Variants in FILIP1L observed in about 807,000 individuals in gnomAD.
FILIP1L encodes filamin A interacting protein 1 like.
Under a neutral mutation model 96.6 loss-of-function variants are expected in FILIP1L, and 55 were observed. That is an observed-to-expected ratio of 0.57 (90% confidence interval 0.46 to 0.71). The LOEUF (loss-of-function observed/expected upper bound fraction) is 0.71, where lower values mean the gene tolerates loss of function less well. FILIP1L is among the 30% of genes least tolerant of loss of function. The pLI is 0.00. For missense variants in FILIP1L, 1,304 were observed against 1,321.2 expected (o/e 0.99, Z 0.20); for synonymous variants, 467 against 473.9 (o/e 0.99, Z 0.19).
At chr3:99,912,230 A>G (rs778658942) in intron 4 of FILIP1L, among the ~76,000 whole-genome samples, 3 of 152,196 alleles carry the variant, frequency 2.0e-5, no homozygotes, top group Non-Finnish European at 4.4e-5. Context: ...TTTTAAGTGA[A>G]AGAAAACAGG....
In FILIP1L at chr3:99,955,290, A is replaced by G. The variant is rs142832670; in HGVS notation, c.-10-24260T>C. Among the ~76,000 whole-genome samples the G allele has an allele frequency of 7.3e-3, 1,106 of 152,322 alleles. 19 individuals carry two copies. The highest frequency in any genetic ancestry group is 0.025 in the African/African-American group (1,019 of 41,560). Reference sequence around the variant, plus strand: ...TTAGCAAAACTTAGTAAAGACTTTGATTTTCAGAGTTGTAAATGACAAGGA... The same window carrying G: ...TTAGCAAAACTTAGTAAAGACTTTGGTTTTCAGAGTTGTAAATGACAAGGA... On this transcript the variant is annotated intron_variant, in intron 1 of 5. Coordinates refer to ENST00000477258, the MANE Select transcript of FILIP1L (RefSeq NM_001387850.1).
rs1036782596 is a variant in FILIP1L, at chr3:100,006,938, A to T, written c.-10-75908T>A. Among the ~76,000 whole-genome samples, 3 of 152,340 alleles carry T rather than the reference A, an allele frequency of 2.0e-5. No individual in the cohort carries two copies. In the East Asian group the frequency reaches 5.8e-4, roughly 29 times the overall value. On this transcript the variant is annotated intron_variant, in intron 1 of 5. Transcript: ENST00000477258. ...GGATAAAAAATAACTTGTTTTAAAA[A>T]GTGTTTTTGTTTGGTTTTGTTCTGT...
chr3:99,953,579 G>A (rs909676222), intron 1 of FILIP1L, among the ~76,000 whole-genome samples: 1 of 152,154 alleles, frequency 6.6e-6, no homozygotes, highest in Non-Finnish European at 1.5e-5. Flanking sequence ...CATTTTTAAA[G>A]AATTCAATAA....
intron 1 of FILIP1L, among the ~76,000 whole-genome samples, chr3:100,082,761 T>C (rs2065951616): frequency 6.6e-6 from 1 of 152,244 alleles, no homozygotes; most frequent in African/African-American, 2.4e-5. Flanking sequence ...TTTCTGTTTC[T>C]GTGAGGTCCA....
At chr3:99,897,796 G>A (rs1706306833) in intron 4 of FILIP1L, among the ~76,000 whole-genome samples, 1 of 152,168 alleles carries the variant, frequency 6.6e-6, no homozygotes, top group Non-Finnish European at 1.5e-5. Flanking sequence ...ATCATAGAGG[G>A]ATTCTGTAAG....
intron 1 of FILIP1L, among the ~76,000 whole-genome samples, chr3:99,936,348 G>A (rs1215305375): frequency 2.1e-5 from 3 of 144,754 alleles, no homozygotes; most frequent in Admixed American, 1.4e-4. Flanking sequence ...TTTTGCAGAG[G>A]AAGGAACTGA....
At position 99,931,048 on chromosome 3, in the gene FILIP1L, A is replaced by G. The variant is rs1468304957; in HGVS notation, c.-10-18T>C. The G allele has an allele frequency of 6.2e-7, 1 of 1,605,356 alleles. No homozygotes were observed. The highest frequency in any genetic ancestry group is 2.2e-5 in the East Asian group (1 of 44,798). ...TTTAAAGCCTGGAAGGAGGGAAGAA[A>G]ATTTGTAAAGCTTAATGGAAATGGA... On this transcript the variant is annotated intron_variant, in intron 1 of 5. Coordinates refer to ENST00000477258, the MANE Select transcript of FILIP1L (RefSeq NM_001387850.1).
At chr3:99,879,425 CATT>C (rs1705646828) in intron 4 of FILIP1L, among the ~76,000 whole-genome samples, 1 of 152,180 alleles carries the variant, frequency 6.6e-6, no homozygotes, top group Non-Finnish European at 1.5e-5. Flanking sequence ...ACAACATCAT[CATT>C]ATTTAACTTT....
chr3:99,928,316 T>C (rs1226604662), intron 3 of FILIP1L, among the ~76,000 whole-genome samples: 1 of 152,190 alleles, frequency 6.6e-6, no homozygotes, highest in African/African-American at 2.4e-5. Context: ...TGGAGTTATT[T>C]TGGCTTCGAG....
rs1177782109 is a variant in FILIP1L, at chr3:99,849,324, A to C, written c.2352T>G (p.Ser784Arg). 1 of 1,614,124 alleles carries C rather than the reference A, an allele frequency of 6.2e-7. No homozygotes were observed. The highest frequency in any genetic ancestry group is 2.2e-5 in the East Asian group (1 of 44,876). ...GATCGGAAATTCTTCTTCCATTGAG[A>C]CTAGGCCTGAGGCTCTTACTGAAAT... ...YRHFSKSLRP[S>R]LNGRRISDPQ... The change falls in exon 5 of 6, where the codon AGT (serine) becomes AGG (arginine). Residue 784 changes from serine (S) to arginine (R), a missense_variant. Ser to Arg is a moderately radical substitution (Grantham distance 110). Coordinates refer to ENST00000477258, the MANE Select transcript of FILIP1L (RefSeq NM_001387850.1).
intron 4 of FILIP1L, among the ~76,000 whole-genome samples, chr3:99,853,341 G>T (rs1309585607): frequency 2.6e-5 from 4 of 152,168 alleles, no homozygotes; most frequent in Non-Finnish European, 5.9e-5. Flanking sequence ...TTTTATTAGA[G>T]AACAGTTTCA....
chr3:100,056,479 A>G (rs763756003), intron 1 of FILIP1L, among the ~76,000 whole-genome samples: 3 of 152,204 alleles, frequency 2.0e-5, no homozygotes, highest in Non-Finnish European at 4.4e-5. Flanking sequence ...ATACAAAGAT[A>G]ACAAAAGTTT....
chr3:100,039,103 C>G (rs2065158698), intron 1 of FILIP1L, among the ~76,000 whole-genome samples: 2 of 152,156 alleles, frequency 1.3e-5, no homozygotes, highest in Non-Finnish European at 2.9e-5. Context: ...GGAAATTATG[C>G]TTTCACCAGT....
chr3:99,886,656 A>G (rs955033217), intron 4 of FILIP1L, among the ~76,000 whole-genome samples: 2 of 152,186 alleles, frequency 1.3e-5, no homozygotes, highest in South Asian at 2.1e-4. Context: ...AGAATATTTT[A>G]AAAATATCAG....
intron 1 of FILIP1L, among the ~76,000 whole-genome samples, chr3:99,968,948 C>G (rs1296736966): frequency 7.3e-6 from 1 of 136,606 alleles, no homozygotes; most frequent in South Asian, 2.6e-4. Context: ...GGGGTGCAAC[C>G]CAGGTTCAAG....
intron 1 of FILIP1L, among the ~76,000 whole-genome samples, chr3:99,950,248 G>A (rs139508283): frequency 2.0e-3 from 303 of 152,084 alleles, no homozygotes; most frequent in African/African-American, 6.9e-3. Flanking sequence ...GCTATGTATC[G>A]GAAATAGACT....
At chr3:99,896,097 C>G (rs1486655696) in intron 4 of FILIP1L, among the ~76,000 whole-genome samples, 1 of 151,402 alleles carries the variant, frequency 6.6e-6, no homozygotes, top group African/African-American at 2.4e-5. Flanking sequence ...GTGGAATAAA[C>G]TTTTAGAAAA....
intron 1 of FILIP1L, among the ~76,000 whole-genome samples, chr3:100,066,405 T>C (rs1279446554): frequency 1.3e-5 from 2 of 152,186 alleles, no homozygotes; most frequent in African/African-American, 4.8e-5. Flanking sequence ...TTTGTTTATG[T>C]AGGCAGTCAT....
At chr3:99,837,329 T>C (rs189485246) in intron 5 of FILIP1L, among the ~76,000 whole-genome samples, 1 of 152,228 alleles carries the variant, frequency 6.6e-6, no homozygotes, top group East Asian at 1.9e-4. Context: ...ACAGTGGTTT[T>C]CTGAGGCTTC....
Sources: allele counts gnomAD v4.1 joint callset (sites outside exome capture counted in the v4.1 genomes callset), GRCh38; gene constraint gnomAD v4.1.1; transcripts MANE v1.5; gene names NCBI Gene and HGNC (gene_info 2026-07-23, HGNC 2026-07-21).